The following GGA2 variants were observed in gnomAD, a reference collection of about 807,000 sequenced individuals.
GGA2 encodes golgi associated, gamma adaptin ear containing, ARF binding protein 2, also known as ADP-ribosylation factor-binding protein GGA2.
GGA2 carries 48 observed loss-of-function variants against 79.5 expected under a neutral mutation model. The ratio of observed to expected loss-of-function variants is 0.60; its 90% CI spans 0.48 to 0.77. The LOEUF (loss-of-function observed/expected upper bound fraction) is 0.77, where lower values mean the gene tolerates loss of function less well. Ranked by LOEUF, GGA2 falls within the 30% of genes least tolerant of loss-of-function variation. GGA2 has a pLI of 0.00. For missense variants in GGA2, 770 were observed against 774.0 expected (o/e 0.99, Z 0.06); for synonymous variants, 317 against 302.0 (o/e 1.05, Z -0.51).
rs1330584474 is a variant in GGA2, at chr16:23,495,750, T to C, written c.120A>G (p.Glu40=). ...AATTCTGGATAGCTGACCAATCCTG[T>C]TCCGACATGCTTGGGTCTGTGGCTT... ...LNKATDPSMS[E]QDWSAIQNFC... The change falls in exon 2 of 17, where the codon GAA becomes GAG. Residue 40 remains glutamate, a synonymous_variant. Coordinates refer to ENST00000309859, the MANE Select transcript of GGA2 (RefSeq NM_015044.4). The C allele has an allele frequency of 5.0e-6, 8 of 1,612,472 alleles. No homozygotes were observed. The highest frequency in any genetic ancestry group is 6.8e-6 in the Non-Finnish European group (8 of 1,178,648).
chr16:23,475,754 A>G (rs1964569333), intron 13 of GGA2, among the ~76,000 whole-genome samples: 10 of 151,354 alleles, frequency 6.6e-5, no homozygotes. Flanking sequence ...AAATACAAAA[A>G]TTAAAAAAAA....
intron 11 of GGA2, among the ~76,000 whole-genome samples, chr16:23,479,265 T>C (rs938448088): frequency 1.3e-5 from 2 of 151,806 alleles, no homozygotes; most frequent in African/African-American, 4.8e-5. Context: ...AGCAGGCATG[T>C]GCTTCCTGAG....
intron 2 of GGA2, among the ~76,000 whole-genome samples, chr16:23,516,169 G>A (rs997549210): frequency 1.3e-5 from 2 of 149,328 alleles, no homozygotes; most frequent in African/African-American, 2.5e-5. Flanking sequence ...CACCATGCCC[G>A]GCCAATTTTT....
intron 5 of GGA2, among the ~76,000 whole-genome samples, chr16:23,490,462 C>T (rs921215184): frequency 6.6e-6 from 1 of 152,138 alleles, no homozygotes; most frequent in Non-Finnish European, 1.5e-5. Flanking sequence ...CAGCCGGGAG[C>T]GGTGGCTCAC....
chr16:23,476,277 G>A (rs1203030304), intron 13 of GGA2, among the ~76,000 whole-genome samples: 1 of 152,188 alleles, frequency 6.6e-6, no homozygotes, highest in East Asian at 1.9e-4. Flanking sequence ...GTGGCAAATG[G>A]GAATGAACTC....
chr16:23,491,867 A>G, intron 4 of GGA2, 67 bp from the exon 5 acceptor site: 1 of 1,129,784 alleles, frequency 8.9e-7, no homozygotes, highest in Non-Finnish European at 1.3e-6. Flanking sequence ...CTTTAACTAA[A>G]GAGGTAGCTG....
chr16:23,507,374 T>G (rs1964984618), intron 1 of GGA2, among the ~76,000 whole-genome samples: 1 of 152,174 alleles, frequency 6.6e-6, no homozygotes. Flanking sequence ...ATGCCTATAA[T>G]CCCAGCACTT....
rs1449285292 is a variant in GGA2, at chr16:23,510,457, G to C, written c.-46C>G. 2 of 742,362 alleles carry C rather than the reference G, an allele frequency of 2.7e-6. No homozygotes were observed. The highest frequency in any genetic ancestry group is 1.8e-5 in the African/African-American group (1 of 54,474). 46.0% of individuals were successfully genotyped at this position (742,362 alleles called of 1,614,324 possible). On this transcript the variant is annotated 5_prime_UTR_variant, in exon 1 of 17. Coordinates refer to ENST00000309859, the MANE Select transcript of GGA2 (RefSeq NM_015044.4). ...GGCCGCGGGCGCCACTGCCTCTTCA[G>C]CCGCTGTAGCGTCCTGGCGCTCTCC...
At chr16:23,497,236 G>A (rs1445748787) in intron 1 of GGA2, among the ~76,000 whole-genome samples, 3 of 152,068 alleles carry the variant, frequency 2.0e-5, no homozygotes, top group Non-Finnish European at 2.9e-5. Flanking sequence ...GAAATGAGGC[G>A]TTGCTTCTCG....
chr16:23,486,245 T>C, intron 7 of GGA2, 93 bp from the exon 8 acceptor site: 1 of 1,122,756 alleles, frequency 8.9e-7, no homozygotes, highest in Non-Finnish European at 1.3e-6. Context: ...TTGAGAGAGC[T>C]CGCTCAGGGG....
intron 2 of GGA2, 69 bp from the exon 3 acceptor site, chr16:23,494,447 C>T: frequency 2.0e-6 from 2 of 1,000,596 alleles, no homozygotes; most frequent in South Asian, 1.3e-5. Flanking sequence ...GCTGAGCATG[C>T]TCAGTAAAAT....
chr16:23,464,852 G>C lies in GGA2; in HGVS notation c.*2738C>G, dbSNP rs1429807528. On this transcript the variant is annotated 3_prime_UTR_variant, in exon 17 of 17. Transcript: ENST00000309859. The stretch of plus-strand genomic sequence containing the variant: ...GGCGACAGCAAGGAGGTGGCAGCTT[G>C]AGAGAGGTCTACAACCCACCTAATG... The C allele has an allele frequency of 6.3e-6, 1 of 159,106 alleles. No individual in the cohort carries two copies. The highest frequency in any genetic ancestry group is 5.9e-5 in the Admixed American group (1 of 16,950). 9.9% of individuals were successfully genotyped at this position (159,106 alleles called of 1,614,324 possible). A position where few individuals can be genotyped will look rare whatever the true frequency, so the allele number is the denominator to read the frequency against.
At chr16:23,486,176 G>A in intron 7 of GGA2, 24 bp from the exon 8 acceptor site, 1 of 1,611,546 alleles carries the variant, frequency 6.2e-7, no homozygotes, top group Non-Finnish European at 8.5e-7. Context: ...GAGGAGGATG[G>A]GAGTGAGGGA....
At chr16:23,511,907 G>C (rs995433630), upstream of GGA2, among the ~76,000 whole-genome samples, 7 of 152,190 alleles carry the variant, frequency 4.6e-5, no homozygotes, top group African/African-American at 1.7e-4. Context: ...TTTTCGACCG[G>C]GGTGAGAGCT....
intron 1 of GGA2, among the ~76,000 whole-genome samples, chr16:23,505,496 T>A (rs1426904693): frequency 6.6e-6 from 1 of 152,032 alleles, no homozygotes; most frequent in Non-Finnish European, 1.5e-5. Flanking sequence ...ATGACCAAAA[T>A]ACATGAAGTG....
chr16:23,488,853 G>A (rs1964747875), intron 5 of GGA2, 144 bp from the exon 6 acceptor site: 2 of 598,212 alleles, frequency 3.3e-6, no homozygotes, highest in East Asian at 2.9e-5. Flanking sequence ...AACACCCAGT[G>A]TATGAACGAA....
At chr16:23,481,063 A>G (rs1022805480) in intron 9 of GGA2, among the ~76,000 whole-genome samples, 4 of 152,196 alleles carry the variant, frequency 2.6e-5, no homozygotes, top group Admixed American at 6.5e-5. Flanking sequence ...TTCAATAACA[A>G]ACTTTTAACT....
chr16:23,477,619 C>T (rs977753431), intron 13 of GGA2, among the ~76,000 whole-genome samples: 9 of 152,018 alleles, frequency 5.9e-5, no homozygotes, highest in African/African-American at 1.4e-4. Flanking sequence ...TGGTGGCACA[C>T]GCCTGTAATC....
At chr16:23,512,508 C>T (rs1965078771), upstream of GGA2, among the ~76,000 whole-genome samples, 2 of 152,076 alleles carry the variant, frequency 1.3e-5, no homozygotes, top group African/African-American at 2.4e-5. Context: ...AACTGAATAG[C>T]AATGGGTGAT....
Sources: allele counts gnomAD v4.1 joint callset (sites outside exome capture counted in the v4.1 genomes callset), GRCh38; gene constraint gnomAD v4.1.1; transcripts MANE v1.5; gene names NCBI Gene and HGNC (gene_info 2026-07-23, HGNC 2026-07-21).